The following NAMPT variants were observed in gnomAD, a reference collection of about 807,000 sequenced individuals.
NAMPT encodes NAmPRTase.
NAMPT carries 7 observed loss-of-function variants against 58.7 expected under a neutral mutation model. The observed-to-expected ratio is 0.12, with a 90% CI of 0.07 to 0.22. The LOEUF (loss-of-function observed/expected upper bound fraction) is 0.22. Among genes scored for constraint, NAMPT ranks in the 10% least tolerant of loss-of-function variants. The probability of loss-of-function intolerance (pLI) is 1.00; values close to 1 mark genes in which losing one functional copy is unlikely to be tolerated. For synonymous variants in NAMPT, 145 were observed against 198.1 expected, an observed-to-expected ratio of 0.73 and a Z score of 2.25; for missense variants, 271 against 567.9, an observed-to-expected ratio of 0.48 and a Z score of 5.31.
chr7:106,277,665 T>C (rs1241913284), intron 1 of NAMPT, among the ~76,000 whole-genome samples: 1 of 152,188 alleles, frequency 6.6e-6, no homozygotes, highest in East Asian at 1.9e-4. Context: ...AGTGACACTA[T>C]GAAAACCTGG....
chr7:106,256,534 G>A (rs1324191376), intron 8 of NAMPT, among the ~76,000 whole-genome samples: 1 of 152,190 alleles, frequency 6.6e-6, no homozygotes, highest in African/African-American at 2.4e-5. Context: ...TGAATGTAAA[G>A]AAATTACAAG....
intron 8 of NAMPT, among the ~76,000 whole-genome samples, chr7:106,257,115 G>A (rs1196411431): frequency 4.0e-5 from 6 of 151,370 alleles, no homozygotes; most frequent in Non-Finnish European, 7.4e-5. Flanking sequence ...CTGCACTCCA[G>A]CTTGGGCAAC....
chr7:106,258,609 C>G (rs1792250102), intron 8 of NAMPT, among the ~76,000 whole-genome samples: 1 of 152,208 alleles, frequency 6.6e-6, no homozygotes. Context: ...TTCCAGACCA[C>G]TGCAATAAAG....
chr7:106,259,218 C>T (rs976108072), intron 8 of NAMPT, among the ~76,000 whole-genome samples: 1 of 152,224 alleles, frequency 6.6e-6, no homozygotes, highest in Non-Finnish European at 1.5e-5. Context: ...GGCTCCACCA[C>T]TTCTAGTTAT....
rs137878255 is a variant in NAMPT, at chr7:106,261,678, A to G, written c.999T>C (p.Pro333=). The G allele has an allele frequency of 3.0e-3, 4,753 of 1,603,790 alleles. 13 individuals carry two copies. The highest frequency in any genetic ancestry group is 4.5e-3 in the Admixed American group (268 of 60,004). Residue 333 remains proline (P), a synonymous_variant, in exon 8 of 11, where the codon CCT becomes CCC. Transcript: ENST00000222553. ...TGTAACCCTTTGAGTTCTCAGTAAC[A>G]GGAAACTTCTTACCTAAAATCTCCA... ...KVLEILGKKF[P]VTENSKGYKL... is the part of the protein sequence containing the mutation.
At chr7:106,282,429 C>T (rs547449591) in intron 1 of NAMPT, among the ~76,000 whole-genome samples, 1 of 152,260 alleles carries the variant, frequency 6.6e-6, no homozygotes, top group East Asian at 1.9e-4. Flanking sequence ...TTACAGATGA[C>T]CCTTTGAGAA....
At chr7:106,264,173 T>C (rs1792366233) in intron 6 of NAMPT, among the ~76,000 whole-genome samples, 1 of 152,080 alleles carries the variant, frequency 6.6e-6, no homozygotes, top group Non-Finnish European at 1.5e-5. Context: ...CCTGTTATAT[T>C]TTCAAGTGGC....
Position 106,262,210 on chromosome 7 carries a change from C to G in NAMPT, c.970-503G>C, listed in dbSNP as rs148432820. On this transcript the variant is annotated intron_variant, in intron 7 of 10. Transcript: ENST00000222553. The stretch of plus-strand genomic sequence containing the variant: ...ACACAGCATCTAGAACCCATAGTCT[C>G]TAAGTTCTCCTTTGCTCTTAAAGCC... Among the ~76,000 whole-genome samples the G allele has an allele frequency of 6.5e-3, 983 of 152,182 alleles. 10 individuals carry two copies. Among genetic ancestry groups the G allele is most frequent in the Non-Finnish European group, 8.7e-3 (592 of 67,936 alleles).
upstream of NAMPT, chr7:106,285,234 G>A (rs1792853061): frequency 7.1e-6 from 7 of 986,468 alleles, no homozygotes; most frequent in Non-Finnish European, 8.8e-6. Context: ...AGGAGGACGT[G>A]ATGCACGCGC....
intron 6 of NAMPT, 111 bp from the exon 7 acceptor site, chr7:106,263,728 G>C: frequency 1.2e-6 from 1 of 809,298 alleles, no homozygotes; most frequent in South Asian, 1.6e-5. Flanking sequence ...ACATCACAGA[G>C]AAGGTGAGTG....
intron 4 of NAMPT, chr7:106,272,142 A>C (rs771904561): frequency 2.2e-5 from 8 of 364,956 alleles, no homozygotes; most frequent in South Asian, 1.7e-4. Context: ...AGTTACTAGA[A>C]GTTGGAATAA....
intron 8 of NAMPT, among the ~76,000 whole-genome samples, chr7:106,256,771 C>T (rs1792209000): frequency 6.6e-6 from 1 of 152,170 alleles, no homozygotes. Context: ...AATGCATTTT[C>T]CACTTAACGT....
chr7:106,284,875 C>T lies in NAMPT; in HGVS notation c.10G>A (p.Ala4Thr). The T allele has an allele frequency of 6.3e-7, 1 of 1,584,330 alleles. No individual in the cohort carries two copies. The highest frequency in any genetic ancestry group is 1.1e-5 in the South Asian group (1 of 87,096). MNP[A>T]AEAEFNILLA... ...AGGATGTTGAACTCGGCTTCTGCCGCAGGATTCATCTCGGGCCGGAGGACA... is the reference window on the plus strand; with the variant it reads ...AGGATGTTGAACTCGGCTTCTGCCGTAGGATTCATCTCGGGCCGGAGGACA... The change falls in exon 1 of 11, where the codon GCG becomes ACG. Residue 4 changes from alanine to threonine, a missense_variant. Around this residue, in one of 4 missense-constraint regions of NAMPT, gnomAD observed 23 missense variants for 16.4 expected, o/e 1.40. Coordinates refer to ENST00000222553, the MANE Select transcript of NAMPT (RefSeq NM_005746.3).
intron 3 of NAMPT, among the ~76,000 whole-genome samples, chr7:106,273,880 A>G (rs570949658): frequency 1.3e-5 from 2 of 152,152 alleles, no homozygotes; most frequent in East Asian, 3.9e-4. Context: ...TCATATAGGC[A>G]TGAAAGTTAA....
intron 4 of NAMPT, among the ~76,000 whole-genome samples, chr7:106,271,309 C>T (rs1000732594): frequency 9.2e-5 from 14 of 152,136 alleles, no homozygotes; most frequent in Admixed American, 9.2e-4. Flanking sequence ...CTTCCTTCTC[C>T]TTATTAAAAG....
intron 1 of NAMPT, among the ~76,000 whole-genome samples, chr7:106,283,299 A>C (rs971217897): frequency 1.3e-5 from 2 of 152,140 alleles, no homozygotes; most frequent in East Asian, 3.8e-4. Flanking sequence ...ATTCTAACTA[A>C]AAGCACCCCA....
intron 1 of NAMPT, among the ~76,000 whole-genome samples, chr7:106,278,150 C>T (rs187339033): frequency 5.9e-5 from 9 of 152,246 alleles, no homozygotes; most frequent in African/African-American, 2.2e-4. Flanking sequence ...GCTTTGATCT[C>T]AAGTTCAGGA....
At chr7:106,268,396 A>G (rs1792469833) in intron 6 of NAMPT, 68 bp downstream of exon 6, 3 of 1,473,046 alleles carry the variant, frequency 2.0e-6, no homozygotes, top group Non-Finnish European at 2.8e-6. Flanking sequence ...GTTAGGTAAA[A>G]TGTCACTGAG....
chr7:106,253,942 T>C (rs1792149467), intron 9 of NAMPT, among the ~76,000 whole-genome samples: 1 of 152,170 alleles, frequency 6.6e-6, no homozygotes, highest in Non-Finnish European at 1.5e-5. Context: ...CTATGGCTAC[T>C]AGAACATGAC....
Sources: allele counts gnomAD v4.1 joint callset (sites outside exome capture counted in the v4.1 genomes callset), GRCh38; gene constraint gnomAD v4.1.1; regional missense constraint gnomAD v4.1.1; transcripts MANE v1.5; gene names NCBI Gene and HGNC (gene_info 2026-07-23, HGNC 2026-07-21).